The following MVP variants were observed in gnomAD, a reference collection of about 807,000 sequenced individuals.
MVP encodes the protein lung resistance-related protein.
MVP carries 62 observed loss-of-function variants against 83.5 expected under a neutral mutation model. The ratio of observed to expected loss-of-function variants is 0.74; its 90% confidence interval spans 0.61 to 0.92. The LOEUF (loss-of-function observed/expected upper bound fraction) is 0.92. MVP is among the 40% of genes least tolerant of loss of function. MVP has a pLI of 0.00. For synonymous variants in MVP, 505 were observed against 504.1 expected (o/e 1.00, Z -0.02); for missense variants, 1,000 against 1,203.4 (o/e 0.83, Z 2.50).
At chr16:29,840,567 C>A (rs2067526765) in intron 8 of MVP, 108 bp downstream of exon 8, 2 of 1,317,014 alleles carry the variant, frequency 1.5e-6, no homozygotes, top group Admixed American at 4.9e-5. Context: ...GCATGGAGAG[C>A]CATATCAGGT....
chr16:29,842,170 C>T, intron 10 of MVP, 58 bp downstream of exon 10: 1 of 1,518,936 alleles, frequency 6.6e-7, no homozygotes, highest in Non-Finnish European at 8.8e-7. Context: ...CTTTGGGAGG[C>T]TGAGGTGGGA....
At position 29,828,535 on chromosome 16, in the gene MVP, A is replaced by G. The variant is rs1051514072; in HGVS notation, c.-35-1980A>G. Among the ~76,000 whole-genome samples, 11 of 152,052 alleles carry G rather than the reference A, an allele frequency of 7.2e-5. No homozygotes were observed. The East Asian group carries it at 1.8e-3, about 24-fold the overall frequency. On this transcript the variant is annotated intron_variant, in intron 1 of 14. Coordinates refer to ENST00000357402, the MANE Select transcript of MVP (RefSeq NM_005115.5). ...GCTGGGATTATAGGTACCCGCCACC[A>G]CAACTGGCTAATTTTTGTATTTTTA...
At position 29,835,685 on chromosome 16, in the gene MVP, C is replaced by T; in HGVS notation, c.578-19C>T. On this transcript the variant is annotated intron_variant, in intron 5 of 14. Transcript: ENST00000357402. ...CAGGCTGGGGGGCCCTTGTCCCTTA[C>T]CCTCCACTCTTGGCCCAGGGGAAGA... 1.2e-6 allele frequency: 2 copies of T among 1,610,494 alleles called. No individual in the cohort carries two copies. Among genetic ancestry groups the T allele is most frequent in the Non-Finnish European group, 1.7e-6 (2 of 1,177,422 alleles).
intron 8 of MVP, 53 bp downstream of exon 8, chr16:29,840,512 C>T (rs564669161): frequency 3.4e-5 from 52 of 1,518,618 alleles, no homozygotes; most frequent in Admixed American, 3.1e-4. Context: ...GCCTTGGTGG[C>T]GGCTTCCTCT....
At chr16:29,839,127 G>T (rs952475392) in intron 7 of MVP, among the ~76,000 whole-genome samples, 3 of 152,152 alleles carry the variant, frequency 2.0e-5, no homozygotes, top group East Asian at 3.8e-4. Context: ...GACAGTAGTT[G>T]CAGTGAGCCG....
intron 1 of MVP, chr16:29,829,557 TGTCCAAA>T (rs5816502): frequency 0.21 from 31,411 of 151,162 alleles, 4,308 homozygotes; most frequent in Non-Finnish European, 0.31. Context: ...CAAAGGGACA[TGTCCAAA>T]GTCCAAAGTG....
At chr16:29,831,154 C>CT (rs2065262837) in intron 3 of MVP, 81 bp downstream of exon 3, 3 of 1,302,826 alleles carry the variant, frequency 2.3e-6, no homozygotes, top group Non-Finnish European at 3.1e-6. Flanking sequence ...CCTTCTTCTT[C>CT]TTTTTTTCTT....
At chr16:29,823,621 A>C (rs1454199548) in intron 1 of MVP, among the ~76,000 whole-genome samples, 1 of 152,086 alleles carries the variant, frequency 6.6e-6, no homozygotes, top group African/African-American at 2.4e-5. Flanking sequence ...TGGGAGGCCA[A>C]GGCAGGCGGA....
chr16:29,845,517 G>T (rs2067576755), intron 11 of MVP, among the ~76,000 whole-genome samples: 1 of 152,168 alleles, frequency 6.6e-6, no homozygotes, highest in African/African-American at 2.4e-5. Context: ...TCAGCCCAAA[G>T]ATCCCCTCCT....
chr16:29,829,063 T>G (rs1253655466), intron 1 of MVP, among the ~76,000 whole-genome samples: 1 of 148,572 alleles, frequency 6.7e-6, no homozygotes, highest in Admixed American at 6.7e-5. Context: ...GTGGAATTGA[T>G]GAGGAACCAC....
chr16:29,820,534 CA>C (rs1362843933), intron 1 of MVP, 24 bp downstream of exon 1: 18 of 152,338 alleles, frequency 1.2e-4, no homozygotes, highest in Admixed American at 1.2e-3. Context: ...ACTAGCCCCC[CA>C]AACCCCAAAT....
rs1470958346 is a variant in MVP, at chr16:29,830,994, T to C, written c.242T>C (p.Val81Ala). 6.2e-7 allele frequency: 1 copy of C among 1,614,012 alleles called. No homozygotes were observed. Among genetic ancestry groups the C allele is most frequent in the South Asian group, 1.1e-5 (1 of 91,078 alleles). Residue 81 changes from valine (V) to alanine (A), a missense_variant, in exon 3 of 15, where the codon GTT (valine) becomes GCT (alanine). By Grantham distance (64) the Val-to-Ala change is moderately conservative. Transcript: ENST00000357402. ...GLVLFDVTGQ[V>A]RLRHADLEIR... ...GTGCTGTTTGATGTCACAGGGCAAG[T>C]TCGGCTTCGCCACGCTGACCTCGAG... is the stretch of plus-strand genomic sequence containing the variant.
At chr16:29,828,723 T>C (rs963600824) in intron 1 of MVP, among the ~76,000 whole-genome samples, 1 of 152,188 alleles carries the variant, frequency 6.6e-6, no homozygotes. Flanking sequence ...TGCAATGGCA[T>C]AGCTGTAAGG....
intron 1 of MVP, chr16:29,822,541 C>T (rs551223048): frequency 6.6e-6 from 1 of 152,036 alleles, no homozygotes; most frequent in Admixed American, 6.6e-5. Flanking sequence ...TTTCCTGAAC[C>T]TGAAGCTGTG....
chr16:29,840,280 CAGCCCCTGG>C lies in MVP; in HGVS notation c.1015_1023del (p.Pro339_Glu341del). On this transcript the variant is annotated inframe_deletion, in exon 8 of 15. Transcript: ENST00000357402. ...GCAGGGGCTGCTGCTGAGGGCCCTG[CAGCCCCTGG>C]AGGAGGGGGAGGATGAGGAGAAGGT... 6.2e-7 allele frequency: 1 copy of C among 1,613,786 alleles called. No homozygotes were observed. Among genetic ancestry groups the C allele is most frequent in the Admixed American group, 1.7e-5 (1 of 59,948 alleles).
intron 13 of MVP, among the ~76,000 whole-genome samples, chr16:29,846,910 C>G (rs974163821): frequency 6.6e-6 from 1 of 152,002 alleles, no homozygotes; most frequent in Non-Finnish European, 1.5e-5. Context: ...TAGTGTGGTG[C>G]CTCAGGTCTC....
At chr16:29,823,943 A>G (rs1479458366) in intron 1 of MVP, among the ~76,000 whole-genome samples, 2 of 151,904 alleles carry the variant, frequency 1.3e-5, no homozygotes, top group Non-Finnish European at 2.9e-5. Context: ...GGCTTTAAAA[A>G]AAGGTCTCCA....
In MVP at chr16:29,845,993, T is replaced by C. The variant is rs1361308274; in HGVS notation, c.2138+14T>C. On this transcript the variant is annotated intron_variant, in intron 12 of 14. Coordinates refer to ENST00000357402, the MANE Select transcript of MVP (RefSeq NM_005115.5). ...GGAGGCTCTGAGGTGGGTTGAGAAC[T>C]AGAGGAGGAGACTGGCAGGGGCCGA... The C allele has an allele frequency of 2.5e-6, 4 of 1,613,910 alleles. No individual in the cohort carries two copies. The highest frequency in any genetic ancestry group is 3.4e-6 in the Non-Finnish European group (4 of 1,179,776).
At chr16:29,844,269 C>T (rs188384398) in intron 10 of MVP, among the ~76,000 whole-genome samples, 57 of 152,228 alleles carry the variant, frequency 3.7e-4, no homozygotes, top group Middle Eastern at 3.4e-3. Context: ...TGCGAGAGAC[C>T]CTGCCCGGCC....
Sources: allele counts gnomAD v4.1 joint callset (sites outside exome capture counted in the v4.1 genomes callset), GRCh38; gene constraint gnomAD v4.1.1; transcripts MANE v1.5; gene names NCBI Gene and HGNC (gene_info 2026-07-23, HGNC 2026-07-21).